BRD2: variants seen among roughly 807,000 people sequenced by gnomAD.
BRD2 encodes bromodomain-containing protein 2.
A neutral mutation model predicts 79.1 loss-of-function variants in BRD2; 15 were observed. The observed-to-expected ratio is 0.19, with a 90% CI of 0.13 to 0.29. The LOEUF is 0.29. Ranked by LOEUF, BRD2 falls within the 10% of genes least tolerant of loss-of-function variation. The pLI is 1.00. For missense variants in BRD2, 1,053 were observed against 991.3 expected (o/e 1.06, Z -0.84); for synonymous variants, 488 against 358.6 (o/e 1.36, Z -4.08).
At chr6:32,969,656 C>T (rs1777770652) in intron 1 of BRD2, among the ~76,000 whole-genome samples, 2 of 152,162 alleles carry the variant, frequency 1.3e-5, no homozygotes, top group Admixed American at 1.3e-4. Context: ...GGGCCTTTTG[C>T]CCCTGTAGGG....
chr6:32,972,706 G>T lies in BRD2; in HGVS notation c.-193G>T. On this transcript the variant is annotated 5_prime_UTR_variant, in exon 2 of 13. Coordinates refer to ENST00000374825, the MANE Select transcript of BRD2 (RefSeq NM_005104.4). ...GTCCGCCGTCTGCAGAGCGCGCCAA[G>T]CTGCCCGGAGCTCTCCGAGAGGCCC... The T allele has an allele frequency of 1.3e-6, 1 of 777,532 alleles. No homozygotes were observed. The highest frequency in any genetic ancestry group is 2.0e-6 in the Non-Finnish European group (1 of 492,048). 48.2% of individuals were successfully genotyped at this position (777,532 alleles called of 1,614,324 possible). A position where few individuals can be genotyped will look rare whatever the true frequency, so the allele number is the denominator to read the frequency against.
chr6:32,978,030 T>G (rs201469274), intron 9 of BRD2, 25 bp downstream of exon 9: 2 of 1,606,688 alleles, frequency 1.2e-6, no homozygotes, highest in Admixed American at 1.7e-5. Flanking sequence ...TTGAAAGTTT[T>G]TATTGGGTAA....
At chr6:32,969,309 C>T (rs1373365257) in intron 1 of BRD2, 3 of 716,440 alleles carry the variant, frequency 4.2e-6, no homozygotes, top group South Asian at 1.5e-5. Context: ...GTGTGGCCCC[C>T]CCTATTCCAT....
Position 32,972,424 on chromosome 6 carries a change from C to T in BRD2, c.-475C>T, listed in dbSNP as rs1250062956. 7 of 297,160 alleles carry T rather than the reference C, an allele frequency of 2.4e-5. No individual in the cohort carries two copies. The highest frequency in any genetic ancestry group is 6.6e-5 in the South Asian group (2 of 30,236). 18.4% of individuals were successfully genotyped at this position (297,160 alleles called of 1,614,324 possible). A position where few individuals can be genotyped will look rare whatever the true frequency, so the allele number is the denominator to read the frequency against. On this transcript the variant is annotated 5_prime_UTR_variant, in exon 2 of 13. Coordinates refer to ENST00000374825, the MANE Select transcript of BRD2 (RefSeq NM_005104.4). ...CGCCCAATCCTCGGAGTCTGTCCAC[C>T]CCCTCTACTCCGCCCTCAAGAGGAT...
Position 32,980,935 on chromosome 6 carries a change from G to A in BRD2, c.*217G>A. 1 of 605,940 alleles carries A rather than the reference G, an allele frequency of 1.7e-6. No homozygotes were observed. Among genetic ancestry groups the A allele is most frequent in the Admixed American group, 3.0e-5 (1 of 33,322 alleles). The allele number at this position is 605,940 out of a possible 1,614,324, so 37.5% of individuals were successfully genotyped here. ...ACATTGAATTCCCAGCCCCATTGGG[G>A]AGTGATCTCTTGGACACAGAGCCCC... On this transcript the variant is annotated 3_prime_UTR_variant, in exon 13 of 13. Transcript: ENST00000374825.
Position 32,972,170 on chromosome 6 carries a change from A to C in BRD2, c.-729A>C. ...CGAAGCTCCTCCTCCCCGCCTATATATAAAGGGCTGGCGCGGGGCTCGGCG... is the reference window on the plus strand; with the variant it reads ...CGAAGCTCCTCCTCCCCGCCTATATCTAAAGGGCTGGCGCGGGGCTCGGCG... On this transcript the variant is annotated 5_prime_UTR_variant, in exon 2 of 13. Transcript: ENST00000374825. 4 of 598,740 alleles carry C rather than the reference A, an allele frequency of 6.7e-6. No homozygotes were observed. The highest frequency in any genetic ancestry group is 9.1e-6 in the Non-Finnish European group (3 of 329,444). 37.1% of individuals were successfully genotyped at this position (598,740 alleles called of 1,614,324 possible).
In BRD2 at chr6:32,972,361, C is replaced by T. The variant is rs554133752; in HGVS notation, c.-538C>T. On this transcript the variant is annotated 5_prime_UTR_variant, in exon 2 of 13. Transcript: ENST00000374825. Reference sequence around the variant, plus strand: ...GACTGGTCCCAGCGGGCAGTACAGACCCCCTAGAAGCCCCTGGAGCTCCCC... The same window carrying T: ...GACTGGTCCCAGCGGGCAGTACAGATCCCCTAGAAGCCCCTGGAGCTCCCC... The T allele has an allele frequency of 2.7e-5, 9 of 338,022 alleles. No homozygotes were observed. The highest frequency in any genetic ancestry group is 6.5e-5 in the African/African-American group (3 of 46,120). 20.9% of individuals were successfully genotyped at this position (338,022 alleles called of 1,614,324 possible).
At position 32,972,216 on chromosome 6, in the gene BRD2, G is replaced by A. The variant is rs1190313537; in HGVS notation, c.-683G>A. On this transcript the variant is annotated 5_prime_UTR_variant, in exon 2 of 13. The change creates a premature stop within an existing upstream ORF in the 5' untranslated region. Coordinates refer to ENST00000374825, the MANE Select transcript of BRD2 (RefSeq NM_005104.4). Reference sequence around the variant, plus strand: ...CGGCGGCGCCATTTCGTGCTGGAGTGGAGCAGCCTCTAGAACGAGCTGGAG... The same window carrying A: ...CGGCGGCGCCATTTCGTGCTGGAGTAGAGCAGCCTCTAGAACGAGCTGGAG... 1.9e-6 allele frequency: 1 copy of A among 525,254 alleles called. No individual in the cohort carries two copies. The highest frequency in any genetic ancestry group is 3.5e-6 in the Non-Finnish European group (1 of 287,716). 32.5% of individuals were successfully genotyped at this position (525,254 alleles called of 1,614,324 possible).
In BRD2 at chr6:32,979,904, A is replaced by G. The variant is rs1779304890; in HGVS notation, c.1918A>G (p.Arg640Gly). The change falls in exon 11 of 13, where the codon AGG becomes GGG. Residue 640 changes from arginine (R) to glycine (G), a missense_variant. Around this residue, in one of 5 missense-constraint regions of BRD2, gnomAD observed 44 missense variants for 73.7 expected, o/e 0.60. Transcript: ENST00000374825. ...TGATTCAGAGGAGGAGGAAGAGAGC[A>G]GGCCCATGAGTTACGATGAGAAGCG... ...GYDSEEEEES[R>G]PMSYDEKRQL... The G allele has an allele frequency of 6.2e-7, 1 of 1,613,104 alleles. No homozygotes were observed. The highest frequency in any genetic ancestry group is 1.3e-5 in the African/African-American group (1 of 74,922).
chr6:32,975,980 T>C, intron 4 of BRD2, 51 bp from the exon 5 acceptor site: 3 of 1,558,698 alleles, frequency 1.9e-6, no homozygotes, highest in South Asian at 2.5e-5. Flanking sequence ...TGTGTATCTA[T>C]CTTCTGTTGG....
At chr6:32,971,421 T>A in intron 1 of BRD2, among the ~76,000 whole-genome samples, 174 bp from the exon 2 acceptor site, 1 of 152,154 alleles carries the variant, frequency 6.6e-6, no homozygotes, top group Non-Finnish European at 1.5e-5. Flanking sequence ...TGCTCGTCTT[T>A]CCATCGTTTG....
At chr6:32,969,199 A>C (rs1777724560) in intron 1 of BRD2, 143 bp downstream of exon 1, 2 of 315,292 alleles carry the variant, frequency 6.3e-6, no homozygotes, top group Non-Finnish European at 1.2e-5. Flanking sequence ...AGCCAATGGG[A>C]GCGTGGAGGG....
chr6:32,980,257 C>CA, intron 11 of BRD2, 85 bp from the exon 12 acceptor site: 1 of 1,583,888 alleles, frequency 6.3e-7, no homozygotes, highest in East Asian at 2.2e-5. Context: ...AGCTGACGTT[C>CA]AAGAAGGGAA....
rs1346578778 is a variant in BRD2 at position 32,978,273 on chromosome 6, C to T, written c.1726C>T (p.Pro576Ser). The T allele has an allele frequency of 6.2e-7, 1 of 1,613,018 alleles. No homozygotes were observed. The highest frequency in any genetic ancestry group is 1.7e-5 in the Admixed American group (1 of 60,024). Residue 576 changes from proline to serine, a missense_variant, in exon 10 of 13, where the codon CCT becomes TCT. Physicochemically the swap from Pro to Ser is moderately conservative, Grantham distance 74. This residue lies in a region of BRD2 where 454 missense variants were observed against 430.5 expected (regional missense o/e 1.05). Coordinates refer to ENST00000374825, the MANE Select transcript of BRD2 (RefSeq NM_005104.4). ...TGGGGCCGATGAAGATGACAAGGGG[C>T]CTAGGGCACCCCGCCCACCTCAACC... ...RAGADEDDKG[P>S]RAPRPPQPKK... is the part of the protein sequence containing the mutation.
chr6:32,978,041 G>C (rs199798117), intron 9 of BRD2, 36 bp downstream of exon 9: 1 of 1,605,116 alleles, frequency 6.2e-7, no homozygotes, highest in Non-Finnish European at 8.5e-7. Context: ...TATTGGGTAA[G>C]AGGTTCATGC....
In BRD2 at chr6:32,976,382, C is replaced by G. The variant is rs1778758346; in HGVS notation, c.743C>G (p.Ser248Cys). 1 of 1,612,928 alleles carries G rather than the reference C, an allele frequency of 6.2e-7. No homozygotes were observed. Among genetic ancestry groups the G allele is most frequent in the Non-Finnish European group, 8.5e-7 (1 of 1,180,046 alleles). The change falls in exon 6 of 13, where the codon TCT (serine) becomes TGT (cysteine). Residue 248 changes from serine to cysteine, a missense_variant. Physicochemically the swap from Ser to Cys is moderately radical, Grantham distance 112. Coordinates refer to ENST00000374825, the MANE Select transcript of BRD2 (RefSeq NM_005104.4). ...LNIPHPSVIS[S>C]PLLKSLHSAG... Reference sequence around the variant, plus strand: ...ATTCCCCACCCATCAGTCATTTCCTCTCCACTTCTCAAGTCCTTGCACTCT... The same window carrying G: ...ATTCCCCACCCATCAGTCATTTCCTGTCCACTTCTCAAGTCCTTGCACTCT...
In BRD2 at chr6:32,976,780, A is replaced by G; in HGVS notation, c.1044A>G (p.Glu348=). The part of the protein sequence containing the change: ...HQSSKKGKLS[E]QLKHCNGILK... ...GCTCTAAGAAAGGAAAGCTTTCAGA[A>G]CAGTTAAAACATTGCAATGGCATTT... The change falls in exon 7 of 13, where the codon GAA becomes GAG. Residue 348 remains glutamate, a synonymous_variant. Coordinates refer to ENST00000374825, the MANE Select transcript of BRD2 (RefSeq NM_005104.4). The G allele has an allele frequency of 6.2e-7, 1 of 1,613,308 alleles. No individual in the cohort carries two copies. Among genetic ancestry groups the G allele is most frequent in the Non-Finnish European group, 8.5e-7 (1 of 1,180,044 alleles).
At chr6:32,969,278 G>A in intron 1 of BRD2, 1 of 706,132 alleles carries the variant, frequency 1.4e-6, no homozygotes, top group Non-Finnish European at 2.6e-6. Flanking sequence ...ACCCATTGGA[G>A]GGCAAAGGGG....
intron 3 of BRD2, 66 bp downstream of exon 3, chr6:32,974,831 C>A: frequency 6.4e-7 from 1 of 1,560,796 alleles, no homozygotes; most frequent in South Asian, 1.2e-5. Context: ...TGGGGGTGGT[C>A]TGCCTAGTGT....
Sources: gnomAD v4.1 joint callset for allele counts (sites outside exome capture counted in the v4.1 genomes callset) on GRCh38, gnomAD v4.1.1 for gene constraint, gnomAD v4.1.1 regional missense constraint, MANE v1.5 for transcripts, NCBI Gene and HGNC (gene_info 2026-07-23, HGNC 2026-07-21) for gene names.